Variants in NCOR1 observed in about 807,000 individuals in gnomAD.
NCOR1 encodes the protein protein phosphatase 1, regulatory subunit 109.
In NCOR1, 63 loss-of-function variants were observed where a neutral mutation model predicts 288.1. The ratio of observed to expected loss-of-function variants is 0.22; its 90% CI spans 0.18 to 0.27. The LOEUF is 0.27. NCOR1 is among the 10% of genes least tolerant of loss of function. NCOR1 has a pLI of 1.00. For missense variants in NCOR1, 2,397 were observed against 3,019.2 expected (o/e 0.79, Z 4.83); for synonymous variants, 1,007 against 1,065.9 (o/e 0.94, Z 1.08).
chr17:16,064,155 C>A lies in NCOR1; in HGVS notation c.5134G>T (p.Ala1712Ser). The A allele has an allele frequency of 6.2e-7, 1 of 1,614,138 alleles. No homozygotes were observed. Among genetic ancestry groups the A allele is most frequent in the Non-Finnish European group, 8.5e-7 (1 of 1,179,992 alleles). ...HPTHLAAAAS[A>S]EREREREREK... ...CGCTCCCGTTCCCGTTCCCTCTCAG[C>A]ACTTGCAGCAGCTGCAAGGTGTGTT... Residue 1712 changes from alanine (A) to serine (S), a missense_variant, in exon 35 of 46, where the codon GCT becomes TCT. By Grantham distance (99) the Ala-to-Ser change is moderately conservative. Transcript: ENST00000268712.
intron 10 of NCOR1, 37 bp downstream of exon 10, chr17:16,146,339 G>GA (rs1255634815): frequency 1.2e-5 from 18 of 1,533,252 alleles, no homozygotes; most frequent in Non-Finnish European, 1.6e-5. Context: ...AATATTTGAA[G>GA]AAAAATATCA....
chr17:16,147,219 G>A (rs910091893), intron 9 of NCOR1, among the ~76,000 whole-genome samples: 2 of 152,110 alleles, frequency 1.3e-5, no homozygotes, highest in African/African-American at 2.4e-5. Flanking sequence ...GACCAGCCTG[G>A]CCAATATGGT....
intron 19 of NCOR1, among the ~76,000 whole-genome samples, chr17:16,104,951 G>A (rs2068316941): frequency 6.6e-6 from 1 of 152,162 alleles, no homozygotes; most frequent in Non-Finnish European, 1.5e-5. Flanking sequence ...CAGGTAGAGG[G>A]ATTAGAAAGC....
Position 16,071,650 on chromosome 17 carries a change from G to A in NCOR1, c.3911C>T (p.Thr1304Ile). The A allele has an allele frequency of 1.2e-6, 2 of 1,611,770 alleles. No homozygotes were observed. Among genetic ancestry groups the A allele is most frequent in the Non-Finnish European group, 1.7e-6 (2 of 1,179,110 alleles). Residue 1304 changes from threonine (T) to isoleucine (I), a missense_variant, in exon 30 of 46, where the codon ACA (threonine) becomes ATA (isoleucine). Coordinates refer to ENST00000268712, the MANE Select transcript of NCOR1 (RefSeq NM_006311.4). The part of the protein sequence containing the change: ...GSIMQGTPRA[T>I]TESFEDGLKY... The stretch of plus-strand genomic sequence containing the variant: ...AAGGCCATCTTCAAAGCTTTCAGTT[G>A]TTGCTCTTGGTGTCCCTTGAAAAAG...
intron 19 of NCOR1, among the ~76,000 whole-genome samples, chr17:16,106,524 A>T (rs898304067): frequency 1.3e-5 from 2 of 152,146 alleles, no homozygotes; most frequent in Non-Finnish European, 2.9e-5. Context: ...TAATTCTTCT[A>T]ATCATGAAAG....
At chr17:16,054,543 G>A (rs989127299) in intron 40 of NCOR1, among the ~76,000 whole-genome samples, 8 of 151,814 alleles carry the variant, frequency 5.3e-5, no homozygotes, top group African/African-American at 1.9e-4. Context: ...AAGAGAGTGG[G>A]CAAATGACAT....
At chr17:16,147,363 C>T (rs1025937129) in intron 9 of NCOR1, among the ~76,000 whole-genome samples, 1 of 152,010 alleles carries the variant, frequency 6.6e-6, no homozygotes, top group Non-Finnish European at 1.5e-5. Flanking sequence ...GAGCCGAGAT[C>T]GCACCACTGC....
chr17:16,126,271 TA>T, intron 14 of NCOR1, 65 bp from the exon 15 acceptor site: 1 of 1,424,518 alleles, frequency 7.0e-7, no homozygotes, highest in Non-Finnish European at 9.3e-7. Context: ...TATAGTGTGA[TA>T]AATTATGTCT....
chr17:16,095,491 G>T (rs2066333726), intron 21 of NCOR1, among the ~76,000 whole-genome samples: 2 of 141,518 alleles, frequency 1.4e-5, no homozygotes, highest in African/African-American at 2.6e-5. Context: ...AGGGAGGTAG[G>T]GGGGTCAGCC....
At chr17:16,049,036 G>T (rs758726004) in intron 40 of NCOR1, 48 bp from the exon 41 acceptor site, 2 of 1,501,436 alleles carry the variant, frequency 1.3e-6, no homozygotes, top group East Asian at 2.4e-5. Flanking sequence ...GGCTAACCTG[G>T]GACTTACCTA....
intron 18 of NCOR1, among the ~76,000 whole-genome samples, chr17:16,109,740 A>ATTTTCCTT (rs1555658716): frequency 6.6e-6 from 1 of 150,996 alleles, no homozygotes; most frequent in Non-Finnish European, 1.5e-5. Context: ...CACTCAATTT[A>ATTTTCCTT]TTTTTCTTTT....
intron 19 of NCOR1, among the ~76,000 whole-genome samples, chr17:16,104,577 C>T (rs1345236796): frequency 6.6e-6 from 1 of 152,170 alleles, no homozygotes; most frequent in Non-Finnish European, 1.5e-5. Context: ...TCAAGACCAG[C>T]TTGGGCCACA....
At chr17:16,092,689 A>G (rs1194640459) in intron 21 of NCOR1, among the ~76,000 whole-genome samples, 2 of 11,048 alleles carry the variant, frequency 1.8e-4, no homozygotes, top group African/African-American at 3.1e-4. Flanking sequence ...ATATATATAT[A>G]TATATATTTT....
intron 9 of NCOR1, among the ~76,000 whole-genome samples, chr17:16,146,908 G>A (rs1307765783): frequency 6.6e-6 from 1 of 152,114 alleles, no homozygotes; most frequent in Non-Finnish European, 1.5e-5. Context: ...CATGTAAATA[G>A]TTCATAATCT....
In NCOR1 at chr17:16,044,847, C is replaced by A; in HGVS notation, c.6679+2104G>T. On this transcript the variant is annotated intron_variant, in intron 42 of 45. Coordinates refer to ENST00000268712, the MANE Select transcript of NCOR1 (RefSeq NM_006311.4). ...CCTGCTCCAGCAGCTGGTGCTGCAC[C>A]AGTGGGATCCTGCCCACTCCACTGC... 5.3e-6 allele frequency: 5 copies of A among 935,960 alleles called. 1 individual carries two copies. In the South Asian group the frequency reaches 5.4e-5, roughly 10 times the overall value. 58.0% of individuals were successfully genotyped at this position (935,960 alleles called of 1,614,324 possible). A position where few individuals can be genotyped will look rare whatever the true frequency, so the allele number is the denominator to read the frequency against.
chr17:16,057,476 T>C lies in NCOR1; in HGVS notation c.6392+38A>G, dbSNP rs183295475. On this transcript the variant is annotated intron_variant, in intron 40 of 45. Coordinates refer to ENST00000268712, the MANE Select transcript of NCOR1 (RefSeq NM_006311.4). ...TAGATATATTCCATTTGTTTTACTG[T>C]TGGGCAATTTATATATAATTTGGAA... is the stretch of plus-strand genomic sequence containing the variant. 1,604 of 1,579,752 alleles carry C rather than the reference T, an allele frequency of 1.0e-3. 14 individuals are homozygous for C. The African/African-American group carries it at 0.019, about 19-fold the overall frequency.
rs1399145137 is a variant in NCOR1 at position 16,049,094 on chromosome 17, G to A, written c.6393-106C>T. The A allele has an allele frequency of 3.3e-6, 4 of 1,219,234 alleles. No individual in the cohort carries two copies. In the South Asian group the frequency reaches 5.7e-5, roughly 17 times the overall value. The allele number at this position is 1,219,234 out of a possible 1,614,324, so 75.5% of individuals were successfully genotyped here. On this transcript the variant is annotated intron_variant, in intron 40 of 45. Transcript: ENST00000268712. ...ACTTCATTCAGGAGAAGGAGCAAAA[G>A]CTGCCAATTTCTATCAGAAAAAAAG...
At chr17:16,167,360 T>TA (rs1174643367) in intron 4 of NCOR1, among the ~76,000 whole-genome samples, 1 of 151,668 alleles carries the variant, frequency 6.6e-6, no homozygotes, top group East Asian at 1.9e-4. Flanking sequence ...GAAAAAGAAT[T>TA]AGATTCTTAC....
intron 44 of NCOR1, among the ~76,000 whole-genome samples, chr17:16,035,530 CTTTTTTTTTT>C (rs966987249): frequency 1.7e-5 from 2 of 118,340 alleles, no homozygotes; most frequent in South Asian, 5.7e-4. Context: ...TTCTCTTGTT[CTTTTTTTTTT>C]TTTTTTTTTT....
Sources: gnomAD v4.1 joint callset for allele counts (sites outside exome capture counted in the v4.1 genomes callset) on GRCh38, gnomAD v4.1.1 for gene constraint, MANE v1.5 for transcripts, NCBI Gene and HGNC (gene_info 2026-07-23, HGNC 2026-07-21) for gene names.